Variants in CUL3 observed in about 807,000 individuals in gnomAD.
The protein encoded by CUL3 is cullin-3.
A neutral mutation model predicts 89.1 loss-of-function variants in CUL3; 19 were observed. That is an observed-to-expected ratio of 0.21 (90% CI 0.15 to 0.31). The LOEUF (loss-of-function observed/expected upper bound fraction) is 0.31, where lower values mean the gene tolerates loss of function less well. Ranked by LOEUF, CUL3 falls within the 10% of genes least tolerant of loss-of-function variation. The probability of loss-of-function intolerance (pLI) is 1.00; values close to 1 mark genes in which losing one functional copy is unlikely to be tolerated. For synonymous variants in CUL3, 351 were observed against 308.4 expected (o/e 1.14, Z -1.45); for missense variants, 469 against 942.3 (o/e 0.50, Z 6.58).
chr2:224,505,874 TC>T, intron 8 of CUL3, 81 bp downstream of exon 8: 1 of 935,378 alleles, frequency 1.1e-6, no homozygotes. Context: ...TTAATTTTTA[TC>T]TGTGAAATGT....
intron 3 of CUL3, among the ~76,000 whole-genome samples, chr2:224,529,188 C>T (rs1026472388): frequency 5.9e-5 from 9 of 151,908 alleles, no homozygotes; most frequent in African/African-American, 1.5e-4. Flanking sequence ...TGTAATATAA[C>T]GTATATAACA....
intron 2 of CUL3, among the ~76,000 whole-genome samples, chr2:224,550,394 C>T (rs186991131): frequency 2.8e-4 from 42 of 152,252 alleles, no homozygotes; most frequent in African/African-American, 9.4e-4. Flanking sequence ...ATCATGTTGG[C>T]GCTCAAAAAG....
rs887622033 is a variant in CUL3, at chr2:224,485,957, C to T, written c.1843-3879G>A. ...TGTTCTGCAGCCTCCACTGGTGATA[C>T]GTAGGTGAACAGGGTCTGGAGTGGA... is the stretch of plus-strand genomic sequence containing the variant. On this transcript the variant is annotated intron_variant, in intron 13 of 15. Transcript: ENST00000264414. The surrounding 1 kb of genome is among the most constrained non-coding windows in gnomAD (Gnocchi z 4.1). 7.2e-5 allele frequency among the ~76,000 whole-genome samples: 11 copies of T among 152,190 alleles called. No homozygotes were observed. Among genetic ancestry groups the T allele is most frequent in the South Asian group, 6.2e-4 (3 of 4,836 alleles).
intron 13 of CUL3, among the ~76,000 whole-genome samples, chr2:224,482,789 A>G (rs1053810046): frequency 6.6e-6 from 1 of 152,194 alleles, no homozygotes; most frequent in African/African-American, 2.4e-5. Context: ...GACAGCAAGG[A>G]AACTGTACAG....
At chr2:224,497,694 C>T in intron 12 of CUL3, 59 bp downstream of exon 12, 2 of 1,252,200 alleles carry the variant, frequency 1.6e-6, no homozygotes, top group South Asian at 1.2e-5. Context: ...ATAAATCACA[C>T]ATCAGCTCTA....
At chr2:224,549,229 T>C (rs1424953480) in intron 2 of CUL3, among the ~76,000 whole-genome samples, 2 of 151,480 alleles carry the variant, frequency 1.3e-5, no homozygotes, top group Non-Finnish European at 2.9e-5. Flanking sequence ...AGGCACGAGA[T>C]TTGCTTGAAA....
chr2:224,569,086 G>A lies in CUL3; in HGVS notation c.67-11230C>T, dbSNP rs1017823260. 2.6e-5 allele frequency among the ~76,000 whole-genome samples: 4 copies of A among 152,168 alleles called. No homozygotes were observed. The East Asian group carries it at 5.8e-4, about 22-fold the overall frequency. On this transcript the variant is annotated intron_variant, in intron 1 of 15. Transcript: ENST00000264414. ...TAAAATTTAAAGGCTCTAACTTTAT[G>A]TATTAATATATTTTTTAAAAGAGAA...
At chr2:224,572,698 G>C (rs1695209791) in intron 1 of CUL3, among the ~76,000 whole-genome samples, 1 of 150,824 alleles carries the variant, frequency 6.6e-6, no homozygotes, top group African/African-American at 2.4e-5. Context: ...TAGAACCCTT[G>C]TGAATGGGAT....
At chr2:224,542,628 G>T (rs1015476375) in intron 2 of CUL3, among the ~76,000 whole-genome samples, 1 of 152,064 alleles carries the variant, frequency 6.6e-6, no homozygotes, top group South Asian at 2.1e-4. Flanking sequence ...AGCTGGTCTC[G>T]AAGTCCTGGC....
intron 2 of CUL3, among the ~76,000 whole-genome samples, chr2:224,546,666 A>AT (rs1553533885): frequency 2.7e-4 from 33 of 122,160 alleles, no homozygotes; most frequent in Non-Finnish European, 2.0e-4. Context: ...CAGAAATAGG[A>AT]TGGGGGGGGG....
rs1230975835 is a variant in CUL3, at chr2:224,470,627, T to C, written c.*3618A>G. 1.7e-5 allele frequency: 4 copies of C among 231,834 alleles called. No individual in the cohort carries two copies. The highest frequency in any genetic ancestry group is 3.4e-5 in the Non-Finnish European group (4 of 117,264). The allele number at this position is 231,834 out of a possible 1,614,324, so 14.4% of individuals were successfully genotyped here. On this transcript the variant is annotated 3_prime_UTR_variant, in exon 16 of 16. Coordinates refer to ENST00000264414, the MANE Select transcript of CUL3 (RefSeq NM_003590.5). ...CCTATCTGTGGTACCCACTTAAGTA[T>C]GTAAAACTTTCTCTAAGATTGTAGG...
intron 13 of CUL3, among the ~76,000 whole-genome samples, chr2:224,489,916 C>T (rs1170085413): frequency 6.6e-6 from 1 of 152,146 alleles, no homozygotes; most frequent in East Asian, 1.9e-4. Flanking sequence ...AGTGAACAGG[C>T]AACCTACAGA....
chr2:224,582,530 C>A (rs1433055563), intron 1 of CUL3, among the ~76,000 whole-genome samples: 7 of 152,194 alleles, frequency 4.6e-5, no homozygotes, highest in Non-Finnish European at 1.0e-4. Context: ...ATGAAAAATT[C>A]TTTTAGAAAT....
intron 2 of CUL3, among the ~76,000 whole-genome samples, chr2:224,554,955 G>A (rs868371324): frequency 4.6e-5 from 7 of 151,960 alleles, no homozygotes; most frequent in Non-Finnish European, 8.8e-5. Context: ...ACTTACTATA[G>A]TTTGCTCCTA....
At chr2:224,553,160 G>C (rs893843947) in intron 2 of CUL3, among the ~76,000 whole-genome samples, 1 of 152,272 alleles carries the variant, frequency 6.6e-6, no homozygotes, top group Admixed American at 6.5e-5. Flanking sequence ...TTTCGATAGT[G>C]TCCCCTTCAA....
intron 11 of CUL3, 129 bp downstream of exon 11, chr2:224,500,233 AT>A: frequency 9.2e-7 from 1 of 1,092,414 alleles, no homozygotes; most frequent in Non-Finnish European, 1.3e-6. Context: ...GCCAGGATAA[AT>A]GCTCCTTTTG....
chr2:224,547,041 G>A (rs191589582), intron 2 of CUL3, among the ~76,000 whole-genome samples: 2 of 152,196 alleles, frequency 1.3e-5, no homozygotes, highest in Admixed American at 1.3e-4. Flanking sequence ...AATGGGTTGA[G>A]TACTTCCAGC....
At chr2:224,583,850 T>C (rs1159087279) in intron 1 of CUL3, among the ~76,000 whole-genome samples, 1 of 152,216 alleles carries the variant, frequency 6.6e-6, no homozygotes, top group Admixed American at 6.5e-5. Context: ...CTTTAAAAAG[T>C]GACAACAAAT....
At chr2:224,582,449 G>A (rs1695463516) in intron 1 of CUL3, among the ~76,000 whole-genome samples, 1 of 152,160 alleles carries the variant, frequency 6.6e-6, no homozygotes, top group Non-Finnish European at 1.5e-5. Flanking sequence ...CTGTAACAAA[G>A]GGCCATAAAC....
Sources: allele counts gnomAD v4.1 joint callset (sites outside exome capture counted in the v4.1 genomes callset), GRCh38; gene constraint gnomAD v4.1.1; non-coding constraint Gnocchi (gnomAD v3.1); transcripts MANE v1.5; gene names NCBI Gene and HGNC (gene_info 2026-07-23, HGNC 2026-07-21).